The following AK4 variants were observed in gnomAD, a reference collection of about 807,000 sequenced individuals.
AK4 encodes adenylate kinase 4, mitochondrial.
AK4 carries 13 observed loss-of-function variants against 24.6 expected under a neutral mutation model. The observed-to-expected ratio is 0.53, with a 90% CI of 0.34 to 0.84. AK4 has a LOEUF of 0.84. AK4 is among the 40% of genes least tolerant of loss of function. AK4 has a pLI of 0.01. For synonymous variants in AK4, 88 were observed against 107.0 expected, an observed-to-expected ratio of 0.82 and a Z score of 1.10; for missense variants, 192 against 288.2, an observed-to-expected ratio of 0.67 and a Z score of 2.42.
chr1:65,162,620 A>T (rs1218415835), intron 1 of AK4, among the ~76,000 whole-genome samples: 2 of 152,256 alleles, frequency 1.3e-5, no homozygotes, highest in Admixed American at 1.3e-4. Flanking sequence ...AGGCGGGCAG[A>T]TCACAAGGTC....
chr1:65,189,695 T>A lies in AK4; in HGVS notation c.146-1015T>A, dbSNP rs1235220787. 2.0e-5 allele frequency among the ~76,000 whole-genome samples: 3 copies of A among 151,886 alleles called. No homozygotes were observed. The East Asian group carries it at 5.8e-4, about 29-fold the overall frequency. On this transcript the variant is annotated intron_variant, in intron 1 of 4. Coordinates refer to ENST00000327299, the MANE Select transcript of AK4 (RefSeq NM_013410.4). ...CACACACACCCCACACATTTAGTTC[T>A]TAGAAATGTACAGATTTAAACTGAT...
chr1:65,181,601 T>A (rs1271165815), intron 1 of AK4, among the ~76,000 whole-genome samples: 1 of 152,142 alleles, frequency 6.6e-6, no homozygotes, highest in Non-Finnish European at 1.5e-5. Context: ...TTGGCCAGGC[T>A]GGTCTCAAAC....
intron 2 of AK4, among the ~76,000 whole-genome samples, chr1:65,214,990 G>C (rs372954213): frequency 1.3e-5 from 2 of 152,130 alleles, no homozygotes; most frequent in Admixed American, 1.3e-4. Context: ...TAAGTGTTTA[G>C]TGTCATACTT....
rs151104727 is a variant in AK4, at chr1:65,195,989, G to A, written c.265+5160G>A. The stretch of plus-strand genomic sequence containing the variant: ...TCATAGGCCTGTTTTAGTGAAGTAC[G>A]TCATCCTCCCAAGTGATTTGGTTAG... On this transcript the variant is annotated intron_variant, in intron 2 of 4. Transcript: ENST00000327299. 4.1e-3 allele frequency among the ~76,000 whole-genome samples: 627 copies of A among 152,174 alleles called. 11 individuals are homozygous for A. The highest frequency in any genetic ancestry group is 0.035 in the Admixed American group (538 of 15,268).
At chr1:65,156,139 T>C (rs528054623) in intron 1 of AK4, among the ~76,000 whole-genome samples, 1 of 152,232 alleles carries the variant, frequency 6.6e-6, no homozygotes, top group African/African-American at 2.4e-5. Context: ...TAATTTGTTA[T>C]TCCATTTTTA....
intron 1 of AK4, among the ~76,000 whole-genome samples, chr1:65,178,281 G>C (rs1174082922): frequency 6.6e-6 from 1 of 152,128 alleles, no homozygotes; most frequent in East Asian, 1.9e-4. Flanking sequence ...AAGGTACAAG[G>C]CCACTGCATA....
At chr1:65,181,331 A>G (rs1248288282) in intron 1 of AK4, among the ~76,000 whole-genome samples, 1 of 151,310 alleles carries the variant, frequency 6.6e-6, no homozygotes, top group African/African-American at 2.4e-5. Context: ...CATCAACATT[A>G]TATTGTATAA....
intron 1 of AK4, among the ~76,000 whole-genome samples, chr1:65,155,820 C>A (rs1043566415): frequency 1.3e-5 from 2 of 151,732 alleles, no homozygotes; most frequent in Non-Finnish European, 2.9e-5. Flanking sequence ...TAGGCACTTG[C>A]CACCATGCCT....
chr1:65,226,168 A>C lies in AK4; in HGVS notation c.663A>C (p.Glu221Asp), dbSNP rs1278064552. ...SNKITPIQSKEAY is the reference protein window; with the variant it reads ...SNKITPIQSKDAY ...AGATCACACCTATTCAGTCCAAAGA[A>C]GCATATTGACCCTGCCCAATGGAAG... The change falls in exon 5 of 5, where the codon GAA becomes GAC. Residue 221 changes from glutamate to aspartate, a missense_variant. Coordinates refer to ENST00000327299, the MANE Select transcript of AK4 (RefSeq NM_013410.4). 2.5e-6 allele frequency: 4 copies of C among 1,607,124 alleles called. No individual in the cohort carries two copies. In the East Asian group the frequency reaches 8.9e-5, roughly 36 times the overall value.
chr1:65,152,858 G>A (rs534308016), intron 1 of AK4, among the ~76,000 whole-genome samples: 1 of 152,312 alleles, frequency 6.6e-6, no homozygotes, highest in Admixed American at 6.5e-5. Flanking sequence ...TGTGTCTTAT[G>A]TAAGAGGGAA....
chr1:65,154,817 C>T (rs1312452553), intron 1 of AK4, among the ~76,000 whole-genome samples: 2 of 151,860 alleles, frequency 1.3e-5, no homozygotes, highest in East Asian at 3.9e-4. Context: ...AGGAATGAAA[C>T]TACTGGCCAA....
intron 1 of AK4, among the ~76,000 whole-genome samples, chr1:65,189,214 C>G (rs538458478): frequency 1.3e-5 from 2 of 152,072 alleles, no homozygotes; most frequent in African/African-American, 4.8e-5. Context: ...GGATTACAGG[C>G]GTGAGCCACC....
chr1:65,181,284 T>C (rs1363968555), intron 1 of AK4, among the ~76,000 whole-genome samples: 3 of 152,008 alleles, frequency 2.0e-5, no homozygotes, highest in African/African-American at 7.2e-5. Context: ...GTAATGATTC[T>C]CTTGCTTTAC....
intron 2 of AK4, among the ~76,000 whole-genome samples, chr1:65,199,562 A>C (rs1651598854): frequency 6.6e-6 from 1 of 151,904 alleles, no homozygotes; most frequent in Non-Finnish European, 1.5e-5. Context: ...CCATCTCAAA[A>C]AAGAAAAAAA....
chr1:65,171,862 GT>G, intron 1 of AK4, among the ~76,000 whole-genome samples: 1 of 151,194 alleles, frequency 6.6e-6, no homozygotes. Context: ...GAGGTCAGGA[GT>G]TTTAGACCAG....
chr1:65,226,251 A>C lies in AK4; in HGVS notation c.*74A>C. On this transcript the variant is annotated 3_prime_UTR_variant, in exon 5 of 5. Transcript: ENST00000327299. Reference sequence around the variant, plus strand: ...GTGTGTAGTATTGGTGCTGTGTCCAAATTAGAAGCTAGCTGAGGTAGCTTG... The same window carrying C: ...GTGTGTAGTATTGGTGCTGTGTCCACATTAGAAGCTAGCTGAGGTAGCTTG... The C allele has an allele frequency of 2.4e-6, 3 of 1,227,398 alleles. No individual in the cohort carries two copies. Among genetic ancestry groups the C allele is most frequent in the Non-Finnish European group, 3.4e-6 (3 of 891,772 alleles). The allele number at this position is 1,227,398 out of a possible 1,614,324, so 76.0% of individuals were successfully genotyped here.
intron 2 of AK4, among the ~76,000 whole-genome samples, chr1:65,207,310 G>C (rs1394557600): frequency 6.6e-6 from 1 of 152,036 alleles, no homozygotes; most frequent in East Asian, 1.9e-4. Flanking sequence ...TCAGTCCCTT[G>C]GGCACAAGAA....
intron 2 of AK4, among the ~76,000 whole-genome samples, chr1:65,215,176 C>CTTT (rs1553127383): frequency 3.4e-4 from 39 of 114,710 alleles, no homozygotes; most frequent in South Asian, 1.3e-3. Flanking sequence ...TTCTTTCTTT[C>CTTT]TTTTTTTTTT....
intron 2 of AK4, among the ~76,000 whole-genome samples, chr1:65,201,883 A>G (rs1651673269): frequency 1.3e-5 from 2 of 152,204 alleles, no homozygotes; most frequent in Non-Finnish European, 2.9e-5. Context: ...TATTCTGGAA[A>G]CCACAAGTAG....
Sources: gnomAD v4.1 joint callset for allele counts (sites outside exome capture counted in the v4.1 genomes callset) on GRCh38, gnomAD v4.1.1 for gene constraint, MANE v1.5 for transcripts, NCBI Gene and HGNC (gene_info 2026-07-23, HGNC 2026-07-21) for gene names.